Variants in ATP13A3 observed in about 807,000 individuals in gnomAD.
ATP13A3 encodes polyamine-transporting ATPase 13A3.
In ATP13A3, 59 loss-of-function variants were observed where a neutral mutation model predicts 158.1. That is an observed-to-expected ratio of 0.37 (90% CI 0.30 to 0.46). ATP13A3 has a LOEUF of 0.46. ATP13A3 is among the 20% of genes least tolerant of loss of function. ATP13A3 has a pLI of 1.00. For synonymous variants in ATP13A3, 491 were observed against 504.3 expected (o/e 0.97, Z 0.35); for missense variants, 1,166 against 1,525.2 (o/e 0.76, Z 3.92).
chr3:194,436,337 A>C (rs1186775078), intron 20 of ATP13A3, among the ~76,000 whole-genome samples: 1 of 152,092 alleles, frequency 6.6e-6, no homozygotes, highest in African/African-American at 2.4e-5. Flanking sequence ...TGACGGGGGG[A>C]CATGGAGAGT....
At chr3:194,467,730 T>C (rs1720079372) in intron 2 of ATP13A3, among the ~76,000 whole-genome samples, 1 of 152,076 alleles carries the variant, frequency 6.6e-6, no homozygotes, top group Non-Finnish European at 1.5e-5. Flanking sequence ...GTAAAAGCCC[T>C]GATTATTTCA....
intron 2 of ATP13A3, among the ~76,000 whole-genome samples, chr3:194,465,735 G>A (rs989220951): frequency 3.3e-5 from 5 of 151,986 alleles, no homozygotes; most frequent in Admixed American, 6.6e-5. Context: ...AGGCTGGTGC[G>A]GGCAGATCAC....
At chr3:194,413,913 A>G (rs1468777541) in intron 31 of ATP13A3, 74 bp from the exon 32 acceptor site, 1 of 1,295,060 alleles carries the variant, frequency 7.7e-7, no homozygotes, top group Admixed American at 1.7e-5. Context: ...CATAATTTCT[A>G]AATTTATTGA....
rs1049903230 is a variant in ATP13A3 at position 194,431,886 on chromosome 3, C to T, written c.2252G>A (p.Ser751Asn). Residue 751 changes from serine (S) to asparagine (N), a missense_variant, in exon 22 of 34, where the codon AGT becomes AAT. Physicochemically the swap from Ser to Asn is conservative, Grantham distance 46 (BLOSUM62 1). Coordinates refer to ENST00000645319, the MANE Select transcript of ATP13A3 (RefSeq NM_001367549.1). ...NIRTVMVTGD[S>N]MLTAVSVARD... ...GGCCACAGAGACAGCAGTCAACATA[C>T]TGTCACCTAATTTTCAAAATATTTT... 14 of 1,578,874 alleles carry T rather than the reference C, an allele frequency of 8.9e-6. No individual in the cohort carries two copies. The highest frequency in any genetic ancestry group is 4.1e-5 in the African/African-American group (3 of 72,596).
chr3:194,422,821 A>C (rs925997605), intron 30 of ATP13A3, among the ~76,000 whole-genome samples: 1 of 151,760 alleles, frequency 6.6e-6, no homozygotes, highest in East Asian at 1.9e-4. Context: ...ACTAACCTAC[A>C]GCCACAAATC....
At chr3:194,493,176 C>T (rs1166930629) in intron 2 of ATP13A3, among the ~76,000 whole-genome samples, 1 of 151,242 alleles carries the variant, frequency 6.6e-6, no homozygotes, top group Non-Finnish European at 1.5e-5. Context: ...CCCAAACCAT[C>T]TCTTTGTGCT....
chr3:194,429,839 A>C, intron 26 of ATP13A3, 65 bp from the exon 27 acceptor site: 1 of 1,399,468 alleles, frequency 7.1e-7, no homozygotes. Context: ...TCCAAACCAC[A>C]ATTTTATCTT....
Position 194,450,227 on chromosome 3 carries a change from G to A in ATP13A3, c.888C>T (p.Val296=), listed in dbSNP as rs2108909545. The A allele has an allele frequency of 6.2e-7, 1 of 1,613,314 alleles. No individual in the cohort carries two copies. The highest frequency in any genetic ancestry group is 1.6e-4 in the Middle Eastern group (1 of 6,062). Residue 296 remains valine, a synonymous_variant, in exon 11 of 34, where the codon GTC becomes GTT. Coordinates refer to ENST00000645319, the MANE Select transcript of ATP13A3 (RefSeq NM_001367549.1). ...GCATTATTGTCCCATTTAATGGAAT[G>A]ACCATGACATCTCCTGGCACAAGGT... ...STDLVPGDVM[V]IPLNGTIMPC... is the part of the protein sequence containing the mutation.
upstream of ATP13A3, among the ~76,000 whole-genome samples, chr3:194,490,635 C>T (rs1216306555): frequency 6.6e-6 from 1 of 152,198 alleles, no homozygotes; most frequent in Non-Finnish European, 1.5e-5. The surrounding 1 kb of genome is among the most constrained non-coding windows in gnomAD (Gnocchi z 4.4). Context: ...TTTAATTTGA[C>T]ATCTCTTGAC....
intron 30 of ATP13A3, among the ~76,000 whole-genome samples, chr3:194,422,164 A>C (rs752864630): frequency 6.6e-6 from 1 of 152,172 alleles, no homozygotes; most frequent in African/African-American, 2.4e-5. Flanking sequence ...AAAGACACTA[A>C]GTGACAGGGG....
intron 2 of ATP13A3, among the ~76,000 whole-genome samples, chr3:194,480,124 A>G (rs557264629): frequency 2.0e-5 from 3 of 152,324 alleles, no homozygotes; most frequent in African/African-American, 7.2e-5. Flanking sequence ...GTTAACAAAT[A>G]ATAAGTTACC....
At chr3:194,473,047 A>T (rs910560677) in intron 2 of ATP13A3, among the ~76,000 whole-genome samples, 1 of 152,178 alleles carries the variant, frequency 6.6e-6, no homozygotes, top group East Asian at 1.9e-4. Flanking sequence ...TACTCTGCTT[A>T]CTACCTGGTT....
At chr3:194,480,002 C>T (rs1326181003) in intron 2 of ATP13A3, among the ~76,000 whole-genome samples, 1 of 152,082 alleles carries the variant, frequency 6.6e-6, no homozygotes, top group East Asian at 1.9e-4. Context: ...CATAAAAAGC[C>T]TGAATATAAC....
At chr3:194,412,525 G>C in intron 32 of ATP13A3, 1 of 482,988 alleles carries the variant, frequency 2.1e-6, no homozygotes, top group South Asian at 2.4e-5. Context: ...CATGAAATAT[G>C]GCTTTTGTAT....
chr3:194,412,236 T>C lies in ATP13A3; in HGVS notation c.3536A>G (p.Gln1179Arg). The C allele has an allele frequency of 5.2e-6, 8 of 1,536,418 alleles. No homozygotes were observed. The South Asian group carries it at 8.3e-5, about 16-fold the overall frequency. ...LWKVVFNRDK[Q>R]GEYRFSTTQP... ...TGTGGTGCTGAACCGATACTCTCCT[T>C]GTTTGTCTCGGTTGAACACAACTTT... The change falls in exon 33 of 34, where the codon CAA (glutamine) becomes CGA (arginine). Residue 1179 changes from glutamine to arginine, a missense_variant. Gln to Arg is a conservative substitution (Grantham distance 43, BLOSUM62 1). Around this residue, in one of 3 missense-constraint regions of ATP13A3, gnomAD observed 997 missense variants for 1,341.2 expected, o/e 0.74. Transcript: ENST00000645319.
intron 2 of ATP13A3, among the ~76,000 whole-genome samples, chr3:194,464,572 G>A (rs549873461): frequency 2.6e-5 from 4 of 152,236 alleles, no homozygotes; most frequent in South Asian, 2.1e-4. Flanking sequence ...AGAGAAGATC[G>A]GCTATCATCA....
rs1476816852 is a variant in ATP13A3, at chr3:194,403,939, G to A, written c.*1980C>T. Reference sequence around the variant, plus strand: ...AAGTGGGGGGGGGGTGTCAAAAATAGCTCTTTATGATCATGCTCTTAAAGA... The same window carrying A: ...AAGTGGGGGGGGGGTGTCAAAAATAACTCTTTATGATCATGCTCTTAAAGA... On this transcript the variant is annotated 3_prime_UTR_variant, in exon 34 of 34. Transcript: ENST00000645319. 6.4e-6 allele frequency: 2 copies of A among 310,850 alleles called. No individual in the cohort carries two copies. Among genetic ancestry groups the A allele is most frequent in the South Asian group, 2.6e-5 (1 of 37,948 alleles). 19.3% of individuals were successfully genotyped at this position (310,850 alleles called of 1,614,324 possible).
intron 2 of ATP13A3, among the ~76,000 whole-genome samples, chr3:194,480,067 C>T (rs1252373937): frequency 2.6e-5 from 4 of 152,144 alleles, no homozygotes; most frequent in African/African-American, 7.2e-5. Flanking sequence ...ATCAATCACA[C>T]CCCACACACA....
chr3:194,482,187 T>C (rs1184244207), intron 2 of ATP13A3, among the ~76,000 whole-genome samples: 3 of 152,238 alleles, frequency 2.0e-5, no homozygotes, highest in East Asian at 1.9e-4. Context: ...ATCATAACAG[T>C]GATCATTTTT....
Sources: gnomAD v4.1 joint callset for allele counts (sites outside exome capture counted in the v4.1 genomes callset) on GRCh38, gnomAD v4.1.1 for gene constraint, gnomAD v4.1.1 regional missense constraint, Gnocchi (gnomAD v3.1) non-coding constraint, MANE v1.5 for transcripts, NCBI Gene and HGNC (gene_info 2026-07-23, HGNC 2026-07-21) for gene names.